Variants in AIG1 observed in about 807,000 individuals in gnomAD.
The protein encoded by AIG1 is androgen induced 1.
Under a neutral mutation model 31.4 loss-of-function variants are expected in AIG1, and 23 were observed. The ratio of observed to expected loss-of-function variants is 0.73; its 90% CI spans 0.53 to 1.04. The LOEUF (loss-of-function observed/expected upper bound fraction) is 1.04. AIG1 is among the 50% of genes least tolerant of loss of function. The pLI is 0.00. For missense variants in AIG1, 274 were observed against 295.0 expected, an observed-to-expected ratio of 0.93 and a Z score of 0.52; for synonymous variants, 100 against 110.5, an observed-to-expected ratio of 0.90 and a Z score of 0.60.
intron 3 of AIG1, among the ~76,000 whole-genome samples, chr6:143,255,747 A>G (rs1211522884): frequency 1.3e-5 from 2 of 152,156 alleles, no homozygotes; most frequent in Non-Finnish European, 2.9e-5. Context: ...ATCACACTCT[A>G]TGGAAATTTG....
At chr6:143,113,613 A>C (rs1260108465) in intron 1 of AIG1, among the ~76,000 whole-genome samples, 1 of 151,796 alleles carries the variant, frequency 6.6e-6, no homozygotes, top group African/African-American at 2.4e-5. Context: ...AAAAAAAAAA[A>C]ACAAAAAAAA....
At chr6:143,134,292 C>T (rs901096410) in intron 1 of AIG1, among the ~76,000 whole-genome samples, 1 of 151,768 alleles carries the variant, frequency 6.6e-6, no homozygotes, top group Non-Finnish European at 1.5e-5. Context: ...TTATTAATTC[C>T]CATGCATTTC....
intron 2 of AIG1, 30 bp downstream of exon 2, chr6:143,137,020 C>T: frequency 7.5e-7 from 1 of 1,333,900 alleles, no homozygotes; most frequent in Non-Finnish European, 9.7e-7. Context: ...CATTTAGCCA[C>T]AAAAGAAACT....
At position 143,326,522 on chromosome 6, in the gene AIG1, C is replaced by G. The variant is rs527933276; in HGVS notation, c.516-6760C>G. 6.6e-6 allele frequency among the ~76,000 whole-genome samples: 1 copy of G among 152,154 alleles called. No individual in the cohort carries two copies. The highest frequency in any genetic ancestry group is 6.5e-5 in the Admixed American group (1 of 15,288). The stretch of plus-strand genomic sequence containing the variant: ...AGAGGTAAAAATAAACAGTCCCTCA[C>G]CCCACCGAACTTACACTGTAGAGGG... On this transcript the variant is annotated intron_variant, in intron 4 of 5. Transcript: ENST00000357847. The surrounding 1 kb of genome is among the most constrained non-coding windows in gnomAD (Gnocchi z 4.5).
intron 3 of AIG1, among the ~76,000 whole-genome samples, chr6:143,264,071 A>G (rs909949568): frequency 1.3e-5 from 2 of 152,230 alleles, no homozygotes; most frequent in African/African-American, 4.8e-5. Context: ...TATTCTTGCA[A>G]CATGACAGAT....
chr6:143,187,325 C>G lies in AIG1; in HGVS notation c.399+22142C>G. 2.2e-6 allele frequency: 3 copies of G among 1,356,894 alleles called. No homozygotes were observed. The South Asian group carries it at 3.7e-5, about 17-fold the overall frequency. 84.1% of individuals were successfully genotyped at this position (1,356,894 alleles called of 1,614,324 possible). On this transcript the variant is annotated intron_variant, in intron 3 of 5. Coordinates refer to ENST00000357847, the MANE Select transcript of AIG1 (RefSeq NM_016108.4). ...TATTCACACATATGGCAAATATGAA[C>G]TAATCAGACCACAGATATTTTGCTG...
At chr6:143,114,007 CT>C (rs1781527230) in intron 1 of AIG1, among the ~76,000 whole-genome samples, 1 of 152,084 alleles carries the variant, frequency 6.6e-6, no homozygotes, top group Non-Finnish European at 1.5e-5. Context: ...ATCTTCTGAC[CT>C]CGTGATCCGC....
At chr6:143,239,048 A>T (rs1466348022) in intron 3 of AIG1, among the ~76,000 whole-genome samples, 1 of 152,146 alleles carries the variant, frequency 6.6e-6, no homozygotes, top group Admixed American at 6.5e-5. Flanking sequence ...GACACAGTCC[A>T]CTCATGGCAG....
chr6:143,129,507 G>C (rs147635796), intron 1 of AIG1, among the ~76,000 whole-genome samples: 18 of 152,224 alleles, frequency 1.2e-4, no homozygotes, highest in Non-Finnish European at 1.9e-4. Context: ...ACACCATTGG[G>C]TAAGAAGATG....
At chr6:143,190,115 A>G in intron 3 of AIG1, 1 of 931,046 alleles carries the variant, frequency 1.1e-6, no homozygotes, top group Non-Finnish European at 1.3e-6. Context: ...GCCATCTCCT[A>G]ATGCTATAAC....
chr6:143,331,789 T>C lies in AIG1; in HGVS notation c.516-1493T>C, dbSNP rs1032426164. On this transcript the variant is annotated intron_variant, in intron 4 of 5. Transcript: ENST00000357847. The surrounding 1 kb of genome is among the most constrained non-coding windows in gnomAD (Gnocchi z 4.1). ...TCTCACCCTCATTGATAACGCAGGT[T>C]CTCAGGTATAGATCCCCAGGTTTCC... Among the ~76,000 whole-genome samples, 7 of 151,454 alleles carry C rather than the reference T, an allele frequency of 4.6e-5. No homozygotes were observed. The highest frequency in any genetic ancestry group is 1.7e-4 in the African/African-American group (7 of 41,262).
At chr6:143,084,114 G>A (rs1375099618) in intron 1 of AIG1, among the ~76,000 whole-genome samples, 1 of 152,170 alleles carries the variant, frequency 6.6e-6, no homozygotes, top group African/African-American at 2.4e-5. Context: ...CCGCACCAGT[G>A]TCCAGGAGAC....
chr6:143,213,400 C>A (rs1019643346), intron 3 of AIG1, among the ~76,000 whole-genome samples: 6 of 151,294 alleles, frequency 4.0e-5, no homozygotes, highest in Admixed American at 3.3e-4. Context: ...GCTTTGACTG[C>A]ACATTGGATA....
chr6:143,197,250 G>A (rs186172782), intron 3 of AIG1, among the ~76,000 whole-genome samples: 2 of 147,902 alleles, frequency 1.4e-5, no homozygotes, highest in East Asian at 2.0e-4. Flanking sequence ...TTATGTTTTT[G>A]TACATCAAAA....
chr6:143,140,430 G>A (rs538670271), intron 2 of AIG1, among the ~76,000 whole-genome samples: 6 of 151,850 alleles, frequency 4.0e-5, no homozygotes, highest in South Asian at 2.1e-4. Flanking sequence ...TGTCTTCACC[G>A]TGGCTTCAGA....
chr6:143,146,989 A>G (rs573622013), intron 2 of AIG1, among the ~76,000 whole-genome samples: 1 of 152,322 alleles, frequency 6.6e-6, no homozygotes, highest in African/African-American at 2.4e-5. Flanking sequence ...AGGAGAGGGC[A>G]GATGGTGAGG....
intron 3 of AIG1, among the ~76,000 whole-genome samples, chr6:143,229,221 T>A (rs979190674): frequency 6.6e-6 from 1 of 152,264 alleles, no homozygotes; most frequent in African/African-American, 2.4e-5. Context: ...ATGAAGACTT[T>A]TGCCTCCAAA....
At position 143,279,896 on chromosome 6, in the gene AIG1, G is replaced by A. The variant is rs1797225908; in HGVS notation, c.400-4214G>A. On this transcript the variant is annotated intron_variant, in intron 3 of 5. Coordinates refer to ENST00000357847, the MANE Select transcript of AIG1 (RefSeq NM_016108.4). The surrounding 1 kb of genome is among the most constrained non-coding windows in gnomAD (Gnocchi z 5.4). The stretch of plus-strand genomic sequence containing the variant: ...GATGGACTTTATATGGAAGACCAAA[G>A]GTTTACTCCTTGGGCTGTCAACCTT... Among the ~76,000 whole-genome samples, 1 of 152,172 alleles carries A rather than the reference G, an allele frequency of 6.6e-6. No homozygotes were observed.
rs1466762544 is a variant in AIG1 at position 143,340,588 on chromosome 6, C to G, written c.*912C>G. Among the ~76,000 whole-genome samples, 1 of 152,196 alleles carries G rather than the reference C, an allele frequency of 6.6e-6. No homozygotes were observed. Among genetic ancestry groups the G allele is most frequent in the East Asian group, 1.9e-4 (1 of 5,172 alleles). On this transcript the variant is annotated 3_prime_UTR_variant, in exon 6 of 6. Transcript: ENST00000357847. The stretch of plus-strand genomic sequence containing the variant: ...CCATTCTCCTGCCTTCTCAGCCTCC[C>G]GAGTAGCTGGGACTACAGGCGCCTG...
Sources: allele counts gnomAD v4.1 joint callset (sites outside exome capture counted in the v4.1 genomes callset), GRCh38; gene constraint gnomAD v4.1.1; non-coding constraint Gnocchi (gnomAD v3.1); transcripts MANE v1.5; gene names NCBI Gene and HGNC (gene_info 2026-07-23, HGNC 2026-07-21).